Variants in ZNF385D observed in about 807,000 individuals in gnomAD.
ZNF385D encodes zinc finger protein 385D.
Under a neutral mutation model 35.8 loss-of-function variants are expected in ZNF385D, and 15 were observed. The observed-to-expected ratio is 0.42, with a 90% CI of 0.28 to 0.64. The LOEUF (loss-of-function observed/expected upper bound fraction) is 0.64, where lower values mean the gene tolerates loss of function less well. Among genes scored for constraint, ZNF385D ranks in the 30% least tolerant of loss-of-function variants. ZNF385D has a pLI of 0.23. For synonymous variants in ZNF385D, 212 were observed against 186.8 expected (o/e 1.13, Z -1.10); for missense variants, 474 against 494.6 (o/e 0.96, Z 0.39).
intron 1 of ZNF385D, among the ~76,000 whole-genome samples, chr3:21,734,411 G>A (rs2069151877): frequency 2.6e-5 from 4 of 151,800 alleles, no homozygotes; most frequent in African/African-American, 9.7e-5. Context: ...CCTAAAGAAG[G>A]TGCCATTTGC....
At chr3:22,327,266 A>G (rs370566943) in intron 2 of ZNF385D, among the ~76,000 whole-genome samples, 6 of 152,322 alleles carry the variant, frequency 3.9e-5, no homozygotes, top group South Asian at 4.1e-4. Flanking sequence ...CTGTAAATAA[A>G]ACTTTACCTC....
At chr3:21,848,925 A>G (rs903331476) in intron 3 of ZNF385D, among the ~76,000 whole-genome samples, 1 of 152,098 alleles carries the variant, frequency 6.6e-6, no homozygotes, top group African/African-American at 2.4e-5. Flanking sequence ...ATCTTAGAAC[A>G]TAGCCATCAT....
At chr3:22,270,419 T>G (rs1701113416) in intron 2 of ZNF385D, among the ~76,000 whole-genome samples, 1 of 152,080 alleles carries the variant, frequency 6.6e-6, no homozygotes, top group Admixed American at 6.6e-5. Flanking sequence ...GCTTAAAATC[T>G]GCCAACCAAC....
intron 3 of ZNF385D, among the ~76,000 whole-genome samples, chr3:21,836,177 GAC>G (rs2125775621): frequency 3.3e-5 from 1 of 30,048 alleles, no homozygotes; most frequent in African/African-American, 3.3e-4. Flanking sequence ...TTAGTCTTCT[GAC>G]TCTTCAAAAA....
chr3:21,946,564 G>T (rs1311258956), intron 3 of ZNF385D, among the ~76,000 whole-genome samples: 1 of 152,050 alleles, frequency 6.6e-6, no homozygotes, highest in Non-Finnish European at 1.5e-5. Flanking sequence ...AAGCACAGTG[G>T]CTCACACCTG....
intron 3 of ZNF385D, among the ~76,000 whole-genome samples, chr3:21,803,322 T>C (rs2072494485): frequency 6.6e-6 from 1 of 152,200 alleles, no homozygotes; most frequent in Non-Finnish European, 1.5e-5. Flanking sequence ...GTGTTCACTA[T>C]TATCATCTTC....
At chr3:21,762,904 C>T (rs62236234) in intron 3 of ZNF385D, among the ~76,000 whole-genome samples, 26,745 of 152,104 alleles carry the variant, frequency 0.18, 2,866 homozygotes, top group Non-Finnish European at 0.23. Context: ...TTTGGTTCTA[C>T]GTCACAGCTC....
intron 3 of ZNF385D, among the ~76,000 whole-genome samples, chr3:21,816,937 TAC>T (rs1479074796): frequency 1.3e-5 from 2 of 152,058 alleles, no homozygotes; most frequent in Non-Finnish European, 2.9e-5. Context: ...CAAACTATAG[TAC>T]AAGGCTACAG....
intron 3 of ZNF385D, among the ~76,000 whole-genome samples, chr3:21,784,258 C>G (rs758963573): frequency 2.6e-5 from 4 of 152,174 alleles, no homozygotes; most frequent in Non-Finnish European, 2.9e-5. Context: ...GGTAGATATT[C>G]TTAAAAACAG....
intron 4 of ZNF385D, among the ~76,000 whole-genome samples, chr3:21,481,094 A>G (rs1333826348): frequency 6.6e-6 from 1 of 152,220 alleles, no homozygotes; most frequent in African/African-American, 2.4e-5. Flanking sequence ...CTGGCTGAGC[A>G]ATCGCTGATA....
intron 4 of ZNF385D, among the ~76,000 whole-genome samples, chr3:21,458,472 A>C (rs536835423): frequency 6.6e-6 from 1 of 151,896 alleles, no homozygotes; most frequent in South Asian, 2.1e-4. Flanking sequence ...ACAGAGAAAG[A>C]CCATGTCTCA....
chr3:22,101,514 A>C (rs535608564), intron 3 of ZNF385D, among the ~76,000 whole-genome samples: 13 of 152,224 alleles, frequency 8.5e-5, no homozygotes, highest in Admixed American at 8.5e-4. Flanking sequence ...ACGTTAATCT[A>C]AATGATTGCA....
At chr3:22,096,482 CAT>C (rs1055988988) in intron 3 of ZNF385D, among the ~76,000 whole-genome samples, 4 of 151,894 alleles carry the variant, frequency 2.6e-5, no homozygotes, top group African/African-American at 9.7e-5. Context: ...AATATAGAGA[CAT>C]ATAACTCTAA....
intron 1 of ZNF385D, among the ~76,000 whole-genome samples, chr3:21,704,540 G>A (rs948056159): frequency 1.3e-5 from 2 of 151,644 alleles, no homozygotes; most frequent in Admixed American, 6.6e-5. Flanking sequence ...ACAACGTCTC[G>A]CTCTGTCACC....
chr3:21,950,793 T>C (rs1471896851), intron 3 of ZNF385D, among the ~76,000 whole-genome samples: 1 of 151,820 alleles, frequency 6.6e-6, no homozygotes, highest in African/African-American at 2.4e-5. Flanking sequence ...ACACCACTTA[T>C]TAAATAAGGA....
rs561287604 is a variant in ZNF385D, at chr3:21,908,118, A to T, written c.326-243090T>A. Among the ~76,000 whole-genome samples, 153 of 135,742 alleles carry T rather than the reference A, an allele frequency of 1.1e-3. 2 individuals carry two copies. In the South Asian group the frequency reaches 0.021, roughly 18 times the overall value. 89.1% of individuals were successfully genotyped at this position (135,742 alleles called of 152,430 possible). A position where few individuals can be genotyped will look rare whatever the true frequency, so the allele number is the denominator to read the frequency against. On this transcript the variant is annotated intron_variant, in intron 3 of 5. Transcript: ENST00000494108. ...TCTATATCTATATATCTTTCTCTCT[A>T]TATCTATCTATCTATCTATCTATCT...
intron 3 of ZNF385D, among the ~76,000 whole-genome samples, chr3:21,996,823 C>T (rs573103297): frequency 2.0e-4 from 31 of 152,272 alleles, no homozygotes; most frequent in African/African-American, 6.7e-4. Flanking sequence ...AGGATTAGCA[C>T]ATTCATTCAT....
intron 3 of ZNF385D, among the ~76,000 whole-genome samples, chr3:22,038,746 T>C (rs1359894546): frequency 6.6e-6 from 1 of 151,994 alleles, no homozygotes; most frequent in Non-Finnish European, 1.5e-5. Context: ...GATGTTAAGA[T>C]TATAGATTTC....
At chr3:22,234,484 ATT>A (rs573538138) in intron 2 of ZNF385D, among the ~76,000 whole-genome samples, 1 of 150,186 alleles carries the variant, frequency 6.7e-6, no homozygotes, top group Admixed American at 6.7e-5. Context: ...AATGCCCTAG[ATT>A]TTTTTTTTCG....
Sources: allele counts gnomAD v4.1 joint callset (sites outside exome capture counted in the v4.1 genomes callset), GRCh38; gene constraint gnomAD v4.1.1; transcripts MANE v1.5; gene names NCBI Gene and HGNC (gene_info 2026-07-23, HGNC 2026-07-21).